The following SAMD3 variants were observed in gnomAD, a reference collection of about 807,000 sequenced individuals.
SAMD3 encodes sterile alpha motif domain-containing protein 3.
A neutral mutation model predicts 58.5 loss-of-function variants in SAMD3; 63 were observed. The ratio of observed to expected loss-of-function variants is 1.08; its 90% CI spans 0.88 to 1.33. SAMD3 has a LOEUF of 1.33. SAMD3 is among the 40% of genes most tolerant of loss of function. SAMD3 has a pLI of 0.00. For missense variants in SAMD3, 604 were observed against 608.4 expected, an observed-to-expected ratio of 0.99 and a Z score of 0.08; for synonymous variants, 220 against 210.3, an observed-to-expected ratio of 1.05 and a Z score of -0.40.
chr6:130,243,171 G>A (rs572809322), intron 2 of SAMD3, among the ~76,000 whole-genome samples: 10 of 152,242 alleles, frequency 6.6e-5, no homozygotes, highest in Non-Finnish European at 1.0e-4. Context: ...TGTCAATTAT[G>A]TCTCTACTGG....
At chr6:130,267,333 C>T (rs11154551) in intron 2 of SAMD3, among the ~76,000 whole-genome samples, 47,330 of 151,946 alleles carry the variant, frequency 0.31, 7,752 homozygotes, top group East Asian at 0.48. Context: ...GTTTGCTACC[C>T]GTACTTCTTC....
intron 5 of SAMD3, among the ~76,000 whole-genome samples, chr6:130,197,037 C>T (rs975013293): frequency 5.9e-5 from 9 of 152,272 alleles, no homozygotes; most frequent in East Asian, 3.9e-4. Flanking sequence ...AAAAGTAGAA[C>T]GGAGTAAAGG....
intron 1 of SAMD3, among the ~76,000 whole-genome samples, chr6:130,330,462 T>A (rs781283163): frequency 4.6e-5 from 7 of 152,212 alleles, no homozygotes; most frequent in Non-Finnish European, 1.0e-4. Flanking sequence ...GATTCAGTCA[T>A]GTAGCTATGT....
rs181143564 is a variant in SAMD3, at chr6:130,265,682, T to G, written c.-187-42869A>C. On this transcript the variant is annotated intron_variant, in intron 2 of 13. Coordinates refer to the SAMD3 transcript ENST00000368134. ...ATGTGTGTTATGACCCATCTGAGCC[T>G]CCCATGACCACAGTTTTTAAAATAA... Among the ~76,000 whole-genome samples, 9 of 152,252 alleles carry G rather than the reference T, an allele frequency of 5.9e-5. No homozygotes were observed. The East Asian group carries it at 1.4e-3, about 23-fold the overall frequency.
At chr6:130,364,585 T>C (rs926329588) in intron 1 of SAMD3, among the ~76,000 whole-genome samples, 1 of 151,934 alleles carries the variant, frequency 6.6e-6, no homozygotes, top group African/African-American at 2.4e-5. Context: ...CCTAAGAGAA[T>C]TGAGCAGGTG....
chr6:130,219,912 T>C (rs1218750909), intron 1 of SAMD3, among the ~76,000 whole-genome samples: 1 of 152,264 alleles, frequency 6.6e-6, no homozygotes, highest in Non-Finnish European at 1.5e-5. Context: ...TTATCAGAGT[T>C]GTCTGTAATT....
chr6:130,344,403 A>C (rs1335579968), intron 1 of SAMD3, among the ~76,000 whole-genome samples: 6 of 151,856 alleles, frequency 4.0e-5, no homozygotes, highest in Non-Finnish European at 7.4e-5. Flanking sequence ...TTTACGGGGG[A>C]CAGAGTCTCG....
chr6:130,326,022 G>C (rs1180189770), intron 1 of SAMD3, among the ~76,000 whole-genome samples: 4 of 152,148 alleles, frequency 2.6e-5, no homozygotes, highest in African/African-American at 7.2e-5. Context: ...ATAAACTCAG[G>C]GGCATATTGA....
intron 7 of SAMD3, among the ~76,000 whole-genome samples, chr6:130,179,240 A>G (rs1543728): frequency 0.89 from 135,893 of 152,242 alleles, 60,813 homozygotes; most frequent in East Asian, 0.98. Flanking sequence ...CAATCAATGA[A>G]TATTTACTGA....
At chr6:130,205,088 C>G (rs1162419157) in intron 5 of SAMD3, among the ~76,000 whole-genome samples, 1 of 146,118 alleles carries the variant, frequency 6.8e-6, no homozygotes, top group Non-Finnish European at 1.5e-5. Context: ...AGCCTGTAGT[C>G]AAATACCTTT....
Position 130,292,175 on chromosome 6 carries a change from C to T in SAMD3, c.-188+20803G>A, listed in dbSNP as rs78032529. Among the ~76,000 whole-genome samples, 626 of 151,964 alleles carry T rather than the reference C, an allele frequency of 4.1e-3. 5 individuals carry two copies. The highest frequency in any genetic ancestry group is 0.014 in the African/African-American group (580 of 41,432). ...TAGGCAGAGCCACTGACCCAGAATGCGGATCCTAGATTTTCACATTTTGAA... is the reference window on the plus strand; with the variant it reads ...TAGGCAGAGCCACTGACCCAGAATGTGGATCCTAGATTTTCACATTTTGAA... On this transcript the variant is annotated intron_variant, in intron 2 of 13. Coordinates refer to the SAMD3 transcript ENST00000368134.
intron 2 of SAMD3, among the ~76,000 whole-genome samples, chr6:130,283,868 G>T (rs565996545): frequency 6.6e-6 from 1 of 152,252 alleles, no homozygotes; most frequent in African/African-American, 2.4e-5. Context: ...TTGAGAGAGG[G>T]TCTTGCTCTG....
In SAMD3 at chr6:130,214,698, A is replaced by C. The variant is rs377739915; in HGVS notation, c.80-172T>G. Among the ~76,000 whole-genome samples, 16 of 152,288 alleles carry C rather than the reference A, an allele frequency of 1.1e-4. No homozygotes were observed. In the East Asian group the frequency reaches 1.5e-3, roughly 15 times the overall value. ...AAAACTCCAATGTTGCATAATTCCA[A>C]ATCAATGCCTGCTCCTAAGAAAGTA... is the stretch of plus-strand genomic sequence containing the variant. On this transcript the variant is annotated intron_variant, in intron 3 of 11. Transcript: ENST00000439090.
chr6:130,362,062 A>G (rs1418301668), intron 1 of SAMD3, among the ~76,000 whole-genome samples: 1 of 152,194 alleles, frequency 6.6e-6, no homozygotes, highest in Non-Finnish European at 1.5e-5. Context: ...CCACACCACC[A>G]TCACCAACTG....
intron 2 of SAMD3, among the ~76,000 whole-genome samples, chr6:130,296,806 C>G (rs1272322633): frequency 1.3e-5 from 2 of 152,112 alleles, no homozygotes; most frequent in African/African-American, 4.8e-5. Context: ...GGGCCTGCAG[C>G]CACACTGTGG....
At chr6:130,171,213 T>C (rs1791218853) in intron 8 of SAMD3, among the ~76,000 whole-genome samples, 1 of 152,218 alleles carries the variant, frequency 6.6e-6, no homozygotes, top group Admixed American at 6.5e-5. Context: ...GTTTTTGTCA[T>C]TGGTTCTGTT....
At chr6:130,316,838 T>A (rs1432415017) in intron 1 of SAMD3, among the ~76,000 whole-genome samples, 2 of 152,222 alleles carry the variant, frequency 1.3e-5, no homozygotes, top group African/African-American at 4.8e-5. Context: ...TGATGCCAGA[T>A]GAGTTATGAC....
At chr6:130,297,179 A>C (rs62433891) in intron 2 of SAMD3, among the ~76,000 whole-genome samples, 25,657 of 152,154 alleles carry the variant, frequency 0.17, 2,424 homozygotes, top group East Asian at 0.36. Context: ...GTCAGTCCTG[A>C]AGGAGATAGT....
At chr6:130,324,508 TAA>T (rs1377250096) in intron 1 of SAMD3, among the ~76,000 whole-genome samples, 5 of 152,254 alleles carry the variant, frequency 3.3e-5, no homozygotes, top group African/African-American at 4.8e-5. Flanking sequence ...CATCAAAATA[TAA>T]AGTTTCATTC....
Sources: gnomAD v4.1 joint callset for allele counts (sites outside exome capture counted in the v4.1 genomes callset) on GRCh38, gnomAD v4.1.1 for gene constraint, MANE v1.5 for transcripts, NCBI Gene and HGNC (gene_info 2026-07-23, HGNC 2026-07-21) for gene names.